The following WBP4 variants were observed in gnomAD, a reference collection of about 807,000 sequenced individuals.
WBP4 encodes WW domain-binding protein 4.
Under a neutral mutation model 55.4 loss-of-function variants are expected in WBP4, and 37 were observed. The ratio of observed to expected loss-of-function variants is 0.67; its 90% CI spans 0.51 to 0.88. WBP4 has a LOEUF of 0.88. Ranked by LOEUF, WBP4 falls within the 40% of genes least tolerant of loss-of-function variation. The pLI, the probability that WBP4 is intolerant of heterozygous loss-of-function variation, is 0.00. For missense variants in WBP4, 398 were observed against 420.8 expected (o/e 0.95, Z 0.47); for synonymous variants, 142 against 140.2 (o/e 1.01, Z -0.09).
At chr13:41,061,819 A>G (rs1186171732) in intron 1 of WBP4, 144 bp downstream of exon 1, 1 of 1,378,014 alleles carries the variant, frequency 7.3e-7, no homozygotes, top group East Asian at 2.4e-5. Flanking sequence ...CCGGCCCCAG[A>G]CCTGCAGGGC....
chr13:41,071,059 C>G lies in WBP4; in HGVS notation c.440-468C>G, dbSNP rs199655497. Reference sequence around the variant, plus strand: ...ACTTATAAACTGTTATTTCATTTCTCCCTTCCAATGCTTATTGCTTGCCTC... The same window carrying G: ...ACTTATAAACTGTTATTTCATTTCTGCCTTCCAATGCTTATTGCTTGCCTC... On this transcript the variant is annotated intron_variant, in intron 5 of 9. Transcript: ENST00000379487. 1.1e-4 allele frequency among the ~76,000 whole-genome samples: 17 copies of G among 152,286 alleles called. No homozygotes were observed. In the East Asian group the frequency reaches 3.3e-3, roughly 29 times the overall value.
chr13:41,082,676 T>G, intron 9 of WBP4, 28 bp from the exon 10 acceptor site: 1 of 1,609,000 alleles, frequency 6.2e-7, no homozygotes, highest in Non-Finnish European at 8.5e-7. Context: ...CCCTGTCAAA[T>G]AGAGTTTTAC....
At chr13:41,079,558 AAAAATC>A (rs1357611982) in intron 8 of WBP4, among the ~76,000 whole-genome samples, 1 of 151,894 alleles carries the variant, frequency 6.6e-6, no homozygotes, top group Non-Finnish European at 1.5e-5. Context: ...AAAAAAAAAA[AAAAATC>A]AGAAAACAAC....
In WBP4 at chr13:41,068,018, T is replaced by C. The variant is rs571856627; in HGVS notation, c.263-543T>C. 2.6e-5 allele frequency among the ~76,000 whole-genome samples: 4 copies of C among 152,268 alleles called. No homozygotes were observed. In the South Asian group the frequency reaches 8.3e-4, roughly 32 times the overall value. On this transcript the variant is annotated intron_variant, in intron 4 of 9. Coordinates refer to ENST00000379487, the MANE Select transcript of WBP4 (RefSeq NM_007187.5). ...TTAATCAGTTAATCTAAAAACTTTC[T>C]TTTTAAGCATGCTTTCTTTATTTCC...
At chr13:41,067,372 G>GA (rs1174143737) in intron 4 of WBP4, among the ~76,000 whole-genome samples, 3 of 152,148 alleles carry the variant, frequency 2.0e-5, no homozygotes, top group African/African-American at 7.2e-5. Context: ...ACATTTCTTT[G>GA]AATATTAGCA....
Position 41,082,995 on chromosome 13 carries a change from GT to G in WBP4, c.*82del. 1 of 1,235,052 alleles carries G rather than the reference GT, an allele frequency of 8.1e-7. No homozygotes were observed. Among genetic ancestry groups the G allele is most frequent in the Non-Finnish European group, 1.1e-6 (1 of 882,748 alleles). 76.5% of individuals were successfully genotyped at this position (1,235,052 alleles called of 1,614,324 possible). On this transcript the variant is annotated 3_prime_UTR_variant, in exon 10 of 10. Coordinates refer to ENST00000379487, the MANE Select transcript of WBP4 (RefSeq NM_007187.5). ...AAAGTTTATCTGTGTTTGTTTGTAA[GT>G]ATTATGATGCTAAAAATTTAGATTT... is the stretch of plus-strand genomic sequence containing the variant.
rs767591716 is a variant in WBP4 at position 41,076,197 on chromosome 13, G to T, written c.716G>T (p.Gly239Val). ...GGGGAACAGGAAGCAGAAGAAGGAG[G>T]GGTCTCTACAGAGACAGAAAAGCCA... ...SDGEQEAEEG[G>V]VSTETEKPKI... Residue 239 changes from glycine (G) to valine (V), a missense_variant, in exon 8 of 10, where the codon GGG becomes GTG. Coordinates refer to ENST00000379487, the MANE Select transcript of WBP4 (RefSeq NM_007187.5). The T allele has an allele frequency of 6.2e-7, 1 of 1,611,840 alleles. No individual in the cohort carries two copies. Among genetic ancestry groups the T allele is most frequent in the East Asian group, 2.2e-5 (1 of 44,820 alleles).
intron 7 of WBP4, among the ~76,000 whole-genome samples, chr13:41,073,970 G>A (rs992371264): frequency 2.2e-4 from 32 of 145,246 alleles, no homozygotes; most frequent in Non-Finnish European, 4.2e-4. Context: ...TCTTGCTATC[G>A]TCCAGGCTGG....
At chr13:41,066,378 CACTA>C (rs1376707971) in intron 4 of WBP4, among the ~76,000 whole-genome samples, 3 of 152,112 alleles carry the variant, frequency 2.0e-5, no homozygotes, top group Non-Finnish European at 4.4e-5. Flanking sequence ...TTTAAAAACT[CACTA>C]ACTGTTAAGA....
rs546164763 is a variant in WBP4, at chr13:41,065,971, C to T, written c.262+684C>T. ...GTCATCAACATGTGATGGTATTCCT[C>T]TAATAAAAACAGCTTTCAATTAAGG... On this transcript the variant is annotated intron_variant, in intron 4 of 9. Coordinates refer to ENST00000379487, the MANE Select transcript of WBP4 (RefSeq NM_007187.5). Among the ~76,000 whole-genome samples the T allele has an allele frequency of 6.6e-4, 101 of 152,254 alleles. 1 individual carries two copies. Among genetic ancestry groups the T allele is most frequent in the African/African-American group, 2.4e-3 (98 of 41,580 alleles).
Position 41,080,719 on chromosome 13 carries a change from C to T in WBP4, c.830C>T (p.Ser277Leu). 6.2e-7 allele frequency: 1 copy of T among 1,606,678 alleles called. No individual in the cohort carries two copies. Among genetic ancestry groups the T allele is most frequent in the Non-Finnish European group, 8.5e-7 (1 of 1,178,132 alleles). ...GAAAAAAGTATTCAGAAACAGAATT[C>T]ATTAGGTTCAAATGAAGAAAAATCG... ...QKEKSIQKQN[S>L]LGSNEEKSKT... The change falls in exon 9 of 10, where the codon TCA becomes TTA. Residue 277 changes from serine (S) to leucine (L), a missense_variant. Physicochemically the swap from Ser to Leu is moderately radical, Grantham distance 145. Transcript: ENST00000379487.
intron 1 of WBP4, among the ~76,000 whole-genome samples, chr13:41,061,897 G>C (rs528957482): frequency 2.0e-5 from 3 of 152,140 alleles, no homozygotes; most frequent in African/African-American, 4.8e-5. Context: ...CGGGCTCTAG[G>C]GGGAGGCCGG....
Position 41,062,096 on chromosome 13 carries a change from G to GTTTTT in WBP4, c.2+445_2+449dup, listed in dbSNP as rs60658317. 2.3e-3 allele frequency: 1,842 copies of GTTTTT among 803,350 alleles called. 6 individuals carry two copies. The highest frequency in any genetic ancestry group is 3.8e-3 in the South Asian group (60 of 15,624). The allele number at this position is 803,350 out of a possible 1,614,324, so 49.8% of individuals were successfully genotyped here. ...GCGGCCAGCCCTGGATAGCGTAATG[G>GTTTTT]TTTTTTTTTTTTTTTTTTTTTTTTT... On this transcript the variant is annotated intron_variant, in intron 1 of 9. Coordinates refer to ENST00000379487, the MANE Select transcript of WBP4 (RefSeq NM_007187.5).
intron 1 of WBP4, 76 bp downstream of exon 1, chr13:41,061,751 C>A: frequency 6.2e-7 from 1 of 1,603,240 alleles, no homozygotes. Context: ...GTCTTCCCCT[C>A]CTCTCCTCCC....
At chr13:41,076,375 T>C in intron 8 of WBP4, 138 bp downstream of exon 8, 1 of 654,128 alleles carries the variant, frequency 1.5e-6, no homozygotes. Context: ...ACCTTCCGGG[T>C]TCAAGCAATT....
intron 1 of WBP4, 73 bp downstream of exon 1, chr13:41,061,748 C>T (rs1016656343): frequency 5.0e-6 from 8 of 1,603,898 alleles, no homozygotes; most frequent in Non-Finnish European, 6.8e-6. Flanking sequence ...CGGGTCTTCC[C>T]CTCCTCTCCT....
intron 9 of WBP4, among the ~76,000 whole-genome samples, chr13:41,082,024 G>C (rs866999205): frequency 6.6e-6 from 1 of 152,140 alleles, no homozygotes; most frequent in African/African-American, 2.4e-5. Flanking sequence ...AGGGAGTACG[G>C]TACTGTGATA....
At chr13:41,080,608 T>G (rs202015179) in intron 8 of WBP4, 38 bp from the exon 9 acceptor site, 1 of 1,501,498 alleles carries the variant, frequency 6.7e-7, no homozygotes, top group Admixed American at 2.3e-5. Flanking sequence ...TTGGTAGTTT[T>G]GCTTGAACTG....
chr13:41,069,293 C>T (rs780213463), intron 5 of WBP4, among the ~76,000 whole-genome samples: 20 of 151,736 alleles, frequency 1.3e-4, no homozygotes, highest in Middle Eastern at 3.2e-3. Context: ...TTTGAGGGGC[C>T]GAGGAGGGTA....
Sources: allele counts gnomAD v4.1 joint callset (sites outside exome capture counted in the v4.1 genomes callset), GRCh38; gene constraint gnomAD v4.1.1; transcripts MANE v1.5; gene names NCBI Gene and HGNC (gene_info 2026-07-23, HGNC 2026-07-21).